PCCA: variants seen among roughly 807,000 people sequenced by gnomAD.
PCCA encodes propionyl-CoA carboxylase alpha chain, mitochondrial.
A neutral mutation model predicts 101.3 loss-of-function variants in PCCA; 74 were observed. The ratio of observed to expected loss-of-function variants is 0.73; its 90% CI spans 0.61 to 0.89. PCCA has a LOEUF of 0.89. PCCA is among the 40% of genes least tolerant of loss of function. The pLI is 0.00. For synonymous variants in PCCA, 294 were observed against 313.6 expected, an observed-to-expected ratio of 0.94 and a Z score of 0.66; for missense variants, 891 against 907.0, an observed-to-expected ratio of 0.98 and a Z score of 0.23.
At chr13:100,289,777 A>G in intron 12 of PCCA, among the ~76,000 whole-genome samples, 1 of 152,286 alleles carries the variant, frequency 6.6e-6, no homozygotes, top group African/African-American at 2.4e-5. Context: ...TTGCTAAGAT[A>G]ATTTAATACT....
At chr13:100,199,762 A>G (rs1188537279) in intron 6 of PCCA, among the ~76,000 whole-genome samples, 1 of 152,128 alleles carries the variant, frequency 6.6e-6, no homozygotes, top group African/African-American at 2.4e-5. Flanking sequence ...TTAGAAAGAA[A>G]CCCTTCTTCT....
At chr13:100,478,682 G>A (rs542606588) in intron 21 of PCCA, among the ~76,000 whole-genome samples, 1 of 152,300 alleles carries the variant, frequency 6.6e-6, no homozygotes, top group South Asian at 2.1e-4. Context: ...GGCCTCAGGA[G>A]CGGTCACCCT....
At chr13:100,483,004 TC>T (rs2084071985) in intron 21 of PCCA, among the ~76,000 whole-genome samples, 1 of 152,172 alleles carries the variant, frequency 6.6e-6, no homozygotes, top group African/African-American at 2.4e-5. Context: ...AATGACTACA[TC>T]ATCCAAATTT....
intron 4 of PCCA, chr13:100,151,122 G>T: frequency 8.8e-7 from 1 of 1,130,706 alleles, no homozygotes; most frequent in Non-Finnish European, 1.3e-6. Flanking sequence ...GCTGCTGCCA[G>T]ACGGAAGAAA....
At chr13:100,317,907 C>G (rs1403195265) in intron 16 of PCCA, among the ~76,000 whole-genome samples, 1 of 152,140 alleles carries the variant, frequency 6.6e-6, no homozygotes, top group Non-Finnish European at 1.5e-5. Context: ...CCATTCTTGC[C>G]ATCAGTCCCT....
chr13:100,189,577 A>G (rs2152445398), intron 6 of PCCA, among the ~76,000 whole-genome samples: 1 of 152,314 alleles, frequency 6.6e-6, no homozygotes, highest in African/African-American at 2.4e-5. Context: ...ATTTTGCTGT[A>G]CAGAAGCTTT....
chr13:100,373,361 G>GA (rs1302165788), intron 19 of PCCA, among the ~76,000 whole-genome samples: 1 of 152,096 alleles, frequency 6.6e-6, no homozygotes, highest in Non-Finnish European at 1.5e-5. Flanking sequence ...GGTTACTTTG[G>GA]AAAAAACAGT....
At chr13:100,309,145 A>G (rs949104011) in intron 15 of PCCA, among the ~76,000 whole-genome samples, 1 of 152,212 alleles carries the variant, frequency 6.6e-6, no homozygotes, top group South Asian at 2.1e-4. Context: ...CTGTAATCCC[A>G]GCACTTTGGG....
At chr13:100,428,098 G>T (rs759903348) in intron 20 of PCCA, among the ~76,000 whole-genome samples, 13 of 151,284 alleles carry the variant, frequency 8.6e-5, no homozygotes, top group Non-Finnish European at 1.6e-4. Flanking sequence ...ACAGGATCTC[G>T]CTCTGTCACC....
chr13:100,475,517 T>C (rs569958099), intron 21 of PCCA, among the ~76,000 whole-genome samples: 1 of 152,362 alleles, frequency 6.6e-6, no homozygotes, highest in South Asian at 2.1e-4. Context: ...TCCCATTGTA[T>C]GGATATACCT....
At chr13:100,474,440 T>TTCTCTCTCTCTCTCTC (rs58811683) in intron 21 of PCCA, among the ~76,000 whole-genome samples, 223 of 144,376 alleles carry the variant, frequency 1.5e-3, no homozygotes, top group African/African-American at 5.6e-3. Context: ...TATTTACTGT[T>TTCTCTCTCTCTCTCTC]TCTCTCTCTC....
At chr13:100,459,434 G>A (rs2082027433) in intron 21 of PCCA, among the ~76,000 whole-genome samples, 1 of 152,108 alleles carries the variant, frequency 6.6e-6, no homozygotes, top group Non-Finnish European at 1.5e-5. Flanking sequence ...TCTCATTTGA[G>A]TACTACCATT....
chr13:100,522,890 C>T (rs1268531442), intron 22 of PCCA, among the ~76,000 whole-genome samples: 1 of 152,244 alleles, frequency 6.6e-6, no homozygotes, highest in Non-Finnish European at 1.5e-5. Flanking sequence ...CCTTTGCCAT[C>T]ATTTTCATGC....
At chr13:100,144,811 A>C (rs1378992854) in intron 4 of PCCA, among the ~76,000 whole-genome samples, 1 of 152,192 alleles carries the variant, frequency 6.6e-6, no homozygotes, top group Non-Finnish European at 1.5e-5. Context: ...AAGAGTACTC[A>C]TGGGATCCTG....
rs75931112 is a variant in PCCA, at chr13:100,394,063, G to A, written c.1746+25489G>A. On this transcript the variant is annotated intron_variant, in intron 19 of 23. Coordinates refer to ENST00000376285, the MANE Select transcript of PCCA (RefSeq NM_000282.4). This position sits in a 1 kb window ranked among gnomAD's most constrained non-coding sequence, Gnocchi z 4.3. ...ACATTGTTGTAGAGCCTCTGTATGC[G>A]TCAGCTGTGACTGAGTGTTTTGATG... Among the ~76,000 whole-genome samples the A allele has an allele frequency of 1.1e-4, 16 of 152,336 alleles. No individual in the cohort carries two copies. In the East Asian group the frequency reaches 3.1e-3, roughly 29 times the overall value.
At chr13:100,422,601 C>T (rs1394055591) in intron 19 of PCCA, among the ~76,000 whole-genome samples, 3 of 152,148 alleles carry the variant, frequency 2.0e-5, no homozygotes, top group Non-Finnish European at 4.4e-5. Flanking sequence ...TTCTAACCCC[C>T]TTCCTCCTCC....
intron 8 of PCCA, among the ~76,000 whole-genome samples, chr13:100,252,661 G>C (rs2061831091): frequency 6.6e-6 from 1 of 151,914 alleles, no homozygotes; most frequent in African/African-American, 2.4e-5. Context: ...ATTATCAGTT[G>C]GTCAAAAAAG....
chr13:100,323,405 T>C (rs2068284932), intron 16 of PCCA, among the ~76,000 whole-genome samples: 1 of 151,952 alleles, frequency 6.6e-6, no homozygotes, highest in Non-Finnish European at 1.5e-5. Context: ...CACTACAACC[T>C]TCACCTCCCG....
At chr13:100,197,141 G>A (rs967639449) in intron 6 of PCCA, among the ~76,000 whole-genome samples, 1 of 152,108 alleles carries the variant, frequency 6.6e-6, no homozygotes, top group Non-Finnish European at 1.5e-5. Flanking sequence ...ACTTACCCAG[G>A]ATCACAAAAA....
Sources: allele counts gnomAD v4.1 joint callset (sites outside exome capture counted in the v4.1 genomes callset), GRCh38; gene constraint gnomAD v4.1.1; non-coding constraint Gnocchi (gnomAD v3.1); transcripts MANE v1.5; gene names NCBI Gene and HGNC (gene_info 2026-07-23, HGNC 2026-07-21).